CLSTN3: variants seen among roughly 807,000 people sequenced by gnomAD.
The protein encoded by CLSTN3 is calsyntenin-3.
Under a neutral mutation model 95.9 loss-of-function variants are expected in CLSTN3, and 36 were observed. The observed-to-expected ratio is 0.38, with a 90% CI of 0.29 to 0.50. The LOEUF (loss-of-function observed/expected upper bound fraction) is 0.50, where lower values mean the gene tolerates loss of function less well. CLSTN3 is among the 20% of genes least tolerant of loss of function. The probability of loss-of-function intolerance (pLI) is 0.95; values close to 1 mark genes in which losing one functional copy is unlikely to be tolerated. For synonymous variants in CLSTN3, 481 were observed against 504.0 expected (o/e 0.95, Z 0.61); for missense variants, 1,084 against 1,268.8 (o/e 0.85, Z 2.21).
rs1420635620 is a variant in CLSTN3 at position 7,158,286 on chromosome 12, G to C, written c.*205G>C. 4 of 570,406 alleles carry C rather than the reference G, an allele frequency of 7.0e-6. No individual in the cohort carries two copies. In the South Asian group the frequency reaches 1.1e-4, roughly 15 times the overall value. 35.3% of individuals were successfully genotyped at this position (570,406 alleles called of 1,614,324 possible). On this transcript the variant is annotated 3_prime_UTR_variant, in exon 18 of 18. Coordinates refer to ENST00000266546, the MANE Select transcript of CLSTN3 (RefSeq NM_014718.4). ...GCCCCCCATCCCTCACTTCTGGGCT[G>C]TCATGCTCCTGGTGTGCCCCTTGCA...
Position 7,135,379 on chromosome 12 carries a change from G to T in CLSTN3, c.436G>T (p.Val146Leu). The change falls in exon 4 of 18, where the codon GTG (valine) becomes TTG (leucine). Residue 146 changes from valine to leucine, a missense_variant. Coordinates refer to ENST00000266546, the MANE Select transcript of CLSTN3 (RefSeq NM_014718.4). ...NDVNEFAPVF[V>L]ERLYRAAVTE... ...TGTGAACGAGTTTGCCCCAGTGTTT[G>T]TGGAACGGCTGTATCGTGCGGCTGT... 1 of 1,614,168 alleles carries T rather than the reference G, an allele frequency of 6.2e-7. No individual in the cohort carries two copies. Among genetic ancestry groups the T allele is most frequent in the Non-Finnish European group, 8.5e-7 (1 of 1,180,020 alleles).
rs189188750 is a variant in CLSTN3 at position 7,140,399 on chromosome 12, A to C, written c.1324-843A>C. Among the ~76,000 whole-genome samples, 33 of 152,266 alleles carry C rather than the reference A, an allele frequency of 2.2e-4. No homozygotes were observed. In the East Asian group the frequency reaches 5.6e-3, roughly 26 times the overall value. On this transcript the variant is annotated intron_variant, in intron 8 of 17. Transcript: ENST00000266546. The stretch of plus-strand genomic sequence containing the variant: ...GTGGATTTTGGAGTTACCAGTGTAT[A>C]ACTATGGTACCCAAACCCATGGCAA...
At chr12:7,136,169 C>T in intron 5 of CLSTN3, 37 bp from the exon 6 acceptor site, 1 of 1,595,404 alleles carries the variant, frequency 6.3e-7, no homozygotes, top group Non-Finnish European at 8.5e-7. Context: ...CTTTACCCTT[C>T]TCTCTCCCCA....
intron 6 of CLSTN3, 122 bp downstream of exon 6, chr12:7,136,513 G>A (rs1371803979): frequency 4.9e-6 from 5 of 1,030,726 alleles, no homozygotes; most frequent in Non-Finnish European, 6.9e-6. Flanking sequence ...CATAGAGGTT[G>A]TGACACGATT....
At chr12:7,135,672 C>T in intron 4 of CLSTN3, 132 bp from the exon 5 acceptor site, 3 of 1,351,576 alleles carry the variant, frequency 2.2e-6, no homozygotes, top group Non-Finnish European at 3.1e-6. Context: ...GAGCCTTCTC[C>T]TCCCAGATGC....
rs948840304 is a variant in CLSTN3, at chr12:7,141,763, T to C, written c.1487-323T>C. On this transcript the variant is annotated intron_variant, in intron 9 of 17. Transcript: ENST00000266546. This position sits in a 1 kb window ranked among gnomAD's most constrained non-coding sequence, Gnocchi z 4.1. ...TAGAGTGTCCTCGGTCTTCCAACTT[T>C]TAAGCCATTGAAAAAATTTTTCTCC... Among the ~76,000 whole-genome samples, 3 of 152,196 alleles carry C rather than the reference T, an allele frequency of 2.0e-5. No homozygotes were observed. The highest frequency in any genetic ancestry group is 6.5e-5 in the Admixed American group (1 of 15,282).
At position 7,156,723 on chromosome 12, in the gene CLSTN3, C is replaced by T. The variant is rs111773818; in HGVS notation, c.2528-766C>T. 2,154 of 456,794 alleles carry T rather than the reference C, an allele frequency of 4.7e-3. 35 individuals carry two copies. The highest frequency in any genetic ancestry group is 0.038 in the African/African-American group (1,923 of 50,186). 28.3% of individuals were successfully genotyped at this position (456,794 alleles called of 1,614,324 possible). On this transcript the variant is annotated intron_variant, in intron 16 of 17. Coordinates refer to ENST00000266546, the MANE Select transcript of CLSTN3 (RefSeq NM_014718.4). ...TCTAAGGTCCGTGTGAGAGTGAACG[C>T]ACCGTTCTGTGTCTCAGTGCCCTTG... is the stretch of plus-strand genomic sequence containing the variant.
At chr12:7,132,723 C>G in intron 1 of CLSTN3, 1 of 587,830 alleles carries the variant, frequency 1.7e-6, no homozygotes, top group Non-Finnish European at 3.0e-6. Flanking sequence ...GAACATTCTC[C>G]ACTTCCTGAC....
rs977234727 is a variant in CLSTN3, at chr12:7,135,468, C to G, written c.525C>G (p.Pro175=). ...RVEAIDGDCS[P]QYSQICYYEI... is the part of the protein sequence containing the mutation. ...AAGCCATTGACGGTGACTGCTCCCC[C>G]CAGTACAGCCAGATCTGCTACTATG... is the stretch of plus-strand genomic sequence containing the variant. Residue 175 remains proline, a synonymous_variant, in exon 4 of 18, where the codon CCC becomes CCG. Coordinates refer to ENST00000266546, the MANE Select transcript of CLSTN3 (RefSeq NM_014718.4). The G allele has an allele frequency of 5.6e-6, 9 of 1,614,032 alleles. No individual in the cohort carries two copies. The highest frequency in any genetic ancestry group is 1.3e-5 in the African/African-American group (1 of 74,896).
intron 10 of CLSTN3, 129 bp from the exon 11 acceptor site, chr12:7,142,740 T>TTTTTC: frequency 1.6e-6 from 1 of 640,868 alleles, no homozygotes; most frequent in Non-Finnish European, 2.5e-6. Context: ...TTTTTTGGTT[T>TTTTTC]CCACATTTCT....
intron 16 of CLSTN3, chr12:7,156,722 G>T: frequency 2.2e-6 from 1 of 456,820 alleles, no homozygotes. Flanking sequence ...GAGAGTGAAC[G>T]CACCGTTCTG....
chr12:7,145,305 A>G (rs1284724006), intron 12 of CLSTN3, among the ~76,000 whole-genome samples: 1 of 152,002 alleles, frequency 6.6e-6, no homozygotes, highest in Non-Finnish European at 1.5e-5. Flanking sequence ...GGTTGGTGCT[A>G]TCCTAATACT....
intron 12 of CLSTN3, among the ~76,000 whole-genome samples, chr12:7,148,192 G>GAAA (rs1474757713): frequency 7.4e-6 from 1 of 134,668 alleles, no homozygotes; most frequent in Non-Finnish European, 1.7e-5. Flanking sequence ...AAGAAAGAAA[G>GAAA]AAAGAAAGAA....
rs770783318 is a variant in CLSTN3, at chr12:7,151,050, C to T, written c.2514C>T (p.Ser838=). The change falls in exon 16 of 18, where the codon TCC becomes TCT. Residue 838 remains serine (S), a synonymous_variant. Coordinates refer to ENST00000266546, the MANE Select transcript of CLSTN3 (RefSeq NM_014718.4). ...TGGCTGGACACAGCCTAGCCAGCTCCCACAGAAACTCCAGTACGTAAGCCT... is the reference window on the plus strand; with the variant it reads ...TGGCTGGACACAGCCTAGCCAGCTCTCACAGAAACTCCAGTACGTAAGCCT... ...PEMAGHSLAS[S]HRNSMIPSAA... 2.5e-6 allele frequency: 4 copies of T among 1,602,360 alleles called. No individual in the cohort carries two copies. Among genetic ancestry groups the T allele is most frequent in the Non-Finnish European group, 3.4e-6 (4 of 1,173,982 alleles).
At chr12:7,148,684 T>C (rs1372671718) in intron 12 of CLSTN3, among the ~76,000 whole-genome samples, 1 of 152,232 alleles carries the variant, frequency 6.6e-6, no homozygotes, top group Non-Finnish European at 1.5e-5. Context: ...AGGTACTCCA[T>C]AATCCTGGGG....
chr12:7,130,920 A>C, intron 1 of CLSTN3: 1 of 611,432 alleles, frequency 1.6e-6, no homozygotes, highest in East Asian at 2.8e-5. Flanking sequence ...GTCCATCTCT[A>C]CCCATGCGTT....
chr12:7,158,200 AG>A lies in CLSTN3; in HGVS notation c.*120del. ...CAAGAGGGAGAGAGGCTTCAGAACCAGTCCTCCTTTCATTTCAAAACCCCAG... is the reference window on the plus strand; with the variant it reads ...CAAGAGGGAGAGAGGCTTCAGAACCATCCTCCTTTCATTTCAAAACCCCAG... On this transcript the variant is annotated 3_prime_UTR_variant, in exon 18 of 18. Transcript: ENST00000266546. 7.9e-7 allele frequency: 1 copy of A among 1,268,778 alleles called. No individual in the cohort carries two copies. The highest frequency in any genetic ancestry group is 1.0e-6 in the Non-Finnish European group (1 of 952,390). 78.6% of individuals were successfully genotyped at this position (1,268,778 alleles called of 1,614,324 possible).
In CLSTN3 at chr12:7,133,864, AC is replaced by A; in HGVS notation, c.383+101del. Reference sequence around the variant, plus strand: ...CTGTCCGTGCGGTCATCGAATATCCACCCCCACCCGCTGCTGTTCCTAGGAC... The same window carrying A: ...CTGTCCGTGCGGTCATCGAATATCCACCCCACCCGCTGCTGTTCCTAGGAC... On this transcript the variant is annotated intron_variant, in intron 3 of 17. Transcript: ENST00000266546. This position sits in a 1 kb window ranked among gnomAD's most constrained non-coding sequence, Gnocchi z 4.7. 6 of 993,890 alleles carry A rather than the reference AC, an allele frequency of 6.0e-6. No individual in the cohort carries two copies. In the South Asian group the frequency reaches 6.8e-5, roughly 11 times the overall value. The allele number at this position is 993,890 out of a possible 1,614,324, so 61.6% of individuals were successfully genotyped here. A position where few individuals can be genotyped will look rare whatever the true frequency, so the allele number is the denominator to read the frequency against.
rs375251480 is a variant in CLSTN3 at position 7,135,317 on chromosome 12, G to T, written c.384-10G>T. 6.2e-6 allele frequency: 10 copies of T among 1,613,462 alleles called. 1 individual carries two copies. The highest frequency in any genetic ancestry group is 8.5e-6 in the Non-Finnish European group (10 of 1,179,610). The stretch of plus-strand genomic sequence containing the variant: ...GTGTCTTCATCCCTCCTTCTCTCTG[G>T]CATATGCAGGGCCACTGTGCATGTG... On this transcript the variant is annotated splice_polypyrimidine_tract_variant and intron_variant, in intron 3 of 17. Transcript: ENST00000266546.
Sources: allele counts gnomAD v4.1 joint callset (sites outside exome capture counted in the v4.1 genomes callset), GRCh38; gene constraint gnomAD v4.1.1; non-coding constraint Gnocchi (gnomAD v3.1); transcripts MANE v1.5; gene names NCBI Gene and HGNC (gene_info 2026-07-23, HGNC 2026-07-21).